The following SNTG1 variants were observed in gnomAD, a reference collection of about 807,000 sequenced individuals.
SNTG1 encodes the protein gamma-1-syntrophin.
In SNTG1, 39 loss-of-function variants were observed where a neutral mutation model predicts 74.7. The ratio of observed to expected loss-of-function variants is 0.52; its 90% CI spans 0.40 to 0.68. The LOEUF is 0.68. Ranked by LOEUF, SNTG1 falls within the 30% of genes least tolerant of loss-of-function variation. SNTG1 has a pLI of 0.00. For synonymous variants in SNTG1, 254 were observed against 217.1 expected (o/e 1.17, Z -1.49); for missense variants, 685 against 609.5 (o/e 1.12, Z -1.30).
chr8:50,296,857 A>T (rs1253033515), intron 2 of SNTG1, among the ~76,000 whole-genome samples: 1 of 152,180 alleles, frequency 6.6e-6, no homozygotes. Context: ...GCATTACATC[A>T]CATTTGAGGA....
Position 50,542,563 on chromosome 8 carries a change from A to T in SNTG1, c.680+5755A>T, listed in dbSNP as rs561659957. On this transcript the variant is annotated intron_variant, in intron 11 of 18. Transcript: ENST00000642720. ...TGTTGCAATAAACATAGGAGCACAG[A>T]TGTCTTTTCAATATATTGATTTCCT... Among the ~76,000 whole-genome samples the T allele has an allele frequency of 2.0e-5, 3 of 152,302 alleles. No individual in the cohort carries two copies. The East Asian group carries it at 5.8e-4, about 29-fold the overall frequency.
At chr8:50,569,043 C>G (rs992156907) in intron 12 of SNTG1, 1 of 152,076 alleles carries the variant, frequency 6.6e-6, no homozygotes, top group Non-Finnish European at 1.5e-5. Context: ...TCCCAGAAAC[C>G]CTTTTGGTAG....
intron 8 of SNTG1, among the ~76,000 whole-genome samples, chr8:50,471,390 AT>A (rs1224904954): frequency 6.6e-6 from 1 of 152,192 alleles, no homozygotes; most frequent in Non-Finnish European, 1.5e-5. Context: ...TACATAGGAA[AT>A]AATACTAAAT....
intron 1 of SNTG1, among the ~76,000 whole-genome samples, chr8:50,069,145 A>G (rs1203149430): frequency 6.6e-6 from 1 of 152,246 alleles, no homozygotes; most frequent in Non-Finnish European, 1.5e-5. Flanking sequence ...GAAAATGTAT[A>G]TAAATTAAGT....
At chr8:50,579,968 C>T (rs571303281) in intron 12 of SNTG1, among the ~76,000 whole-genome samples, 13 of 152,312 alleles carry the variant, frequency 8.5e-5, no homozygotes, top group South Asian at 2.1e-4. Context: ...GAACTACTGA[C>T]GGCTTGCACC....
intron 2 of SNTG1, among the ~76,000 whole-genome samples, chr8:50,346,315 C>T (rs557451884): frequency 2.0e-4 from 31 of 152,194 alleles, no homozygotes; most frequent in Non-Finnish European, 3.4e-4. Flanking sequence ...ATCTGGAATC[C>T]GTGATCTTTG....
At chr8:50,702,095 G>T (rs1285457352) in intron 15 of SNTG1, among the ~76,000 whole-genome samples, 2 of 151,924 alleles carry the variant, frequency 1.3e-5, no homozygotes, top group Non-Finnish European at 2.9e-5. Context: ...CAAGTGATCT[G>T]CCCACCTCGG....
chr8:50,017,597 G>A (rs1289503965), intron 1 of SNTG1, among the ~76,000 whole-genome samples: 1 of 151,886 alleles, frequency 6.6e-6, no homozygotes, highest in Non-Finnish European at 1.5e-5. Context: ...AGGCAAGATT[G>A]AATCAAGATG....
chr8:50,714,476 T>G (rs1232637855), intron 17 of SNTG1, among the ~76,000 whole-genome samples: 1 of 151,894 alleles, frequency 6.6e-6, no homozygotes, highest in Non-Finnish European at 1.5e-5. Context: ...AGGTCCAAAG[T>G]GATTTATAGA....
At chr8:50,364,071 A>AT (rs2092040018) in intron 2 of SNTG1, among the ~76,000 whole-genome samples, 1 of 152,086 alleles carries the variant, frequency 6.6e-6, no homozygotes, top group Non-Finnish European at 1.5e-5. Context: ...TTGATTAGGG[A>AT]TTTTTAGGGA....
intron 17 of SNTG1, among the ~76,000 whole-genome samples, chr8:50,734,681 T>G (rs1404272466): frequency 6.8e-6 from 1 of 147,996 alleles, no homozygotes; most frequent in Non-Finnish European, 1.5e-5. Flanking sequence ...TATATAGATA[T>G]GTATATATGG....
chr8:50,585,865 G>A (rs1444664051), intron 12 of SNTG1, among the ~76,000 whole-genome samples: 2 of 152,062 alleles, frequency 1.3e-5, no homozygotes, highest in East Asian at 3.9e-4. Context: ...ATTTTTCAAA[G>A]CAAATTATTG....
intron 8 of SNTG1, among the ~76,000 whole-genome samples, chr8:50,456,019 T>C (rs2093501868): frequency 6.6e-6 from 1 of 152,242 alleles, no homozygotes; most frequent in South Asian, 2.1e-4. Context: ...GGGAAATGTT[T>C]AGCGCAAAGA....
At chr8:50,718,338 T>A (rs1342761408) in intron 17 of SNTG1, among the ~76,000 whole-genome samples, 1 of 152,146 alleles carries the variant, frequency 6.6e-6, no homozygotes, top group Non-Finnish European at 1.5e-5. Context: ...ACTTTGGACT[T>A]CATGTTGAAG....
chr8:50,032,574 C>A (rs1216949207), intron 1 of SNTG1, among the ~76,000 whole-genome samples: 1 of 152,052 alleles, frequency 6.6e-6, no homozygotes, highest in African/African-American at 2.4e-5. Flanking sequence ...TAGGCATTTC[C>A]AAGTCACTGA....
chr8:50,581,890 C>A (rs2130823104), intron 12 of SNTG1, among the ~76,000 whole-genome samples: 1 of 152,254 alleles, frequency 6.6e-6, no homozygotes, highest in Middle Eastern at 3.4e-3. Context: ...CCTTGTCATA[C>A]AAACATAAGT....
intron 1 of SNTG1, among the ~76,000 whole-genome samples, chr8:49,946,879 T>TA (rs2129384929): frequency 6.6e-6 from 1 of 152,346 alleles, no homozygotes; most frequent in East Asian, 1.9e-4. Flanking sequence ...TCTTTCTTCT[T>TA]AAAATTAATG....
At chr8:50,376,742 T>G (rs1344975657) in intron 2 of SNTG1, among the ~76,000 whole-genome samples, 3 of 109,808 alleles carry the variant, frequency 2.7e-5, no homozygotes, top group Admixed American at 9.8e-5. Context: ...TATATATATA[T>G]ATATATATAT....
intron 1 of SNTG1, among the ~76,000 whole-genome samples, chr8:49,929,162 T>C (rs540036066): frequency 1.1e-4 from 17 of 152,182 alleles, no homozygotes; most frequent in Non-Finnish European, 2.2e-4. Context: ...AAGTTAGTAG[T>C]ATATTGACAA....
Sources: allele counts gnomAD v4.1 joint callset (sites outside exome capture counted in the v4.1 genomes callset), GRCh38; gene constraint gnomAD v4.1.1; transcripts MANE v1.5; gene names NCBI Gene and HGNC (gene_info 2026-07-23, HGNC 2026-07-21).